PNPT1: variants seen among roughly 807,000 people sequenced by gnomAD.
PNPT1 encodes the protein polyribonucleotide nucleotidyltransferase 1.
PNPT1 carries 53 observed loss-of-function variants against 119.5 expected under a neutral mutation model. The ratio of observed to expected loss-of-function variants is 0.44; its 90% CI spans 0.36 to 0.56. The LOEUF is 0.56. Ranked by LOEUF, PNPT1 falls within the 20% of genes least tolerant of loss-of-function variation. PNPT1 has a pLI of 0.00. For missense variants in PNPT1, 948 were observed against 938.5 expected (o/e 1.01, Z -0.13); for synonymous variants, 357 against 322.1 (o/e 1.11, Z -1.16).
chr2:55,654,053 T>G (rs1413263384), intron 18 of PNPT1, among the ~76,000 whole-genome samples: 2 of 152,090 alleles, frequency 1.3e-5, no homozygotes, highest in Admixed American at 1.3e-4. Flanking sequence ...GGTCAGGAGT[T>G]CGAGGTCAGC....
chr2:55,657,007 T>C (rs1339919340), intron 15 of PNPT1, among the ~76,000 whole-genome samples: 1 of 152,194 alleles, frequency 6.6e-6, no homozygotes, highest in East Asian at 1.9e-4. Flanking sequence ...TTGTGATCAT[T>C]TGACAATAGG....
chr2:55,637,031 CG>C (rs1429691884), intron 27 of PNPT1, among the ~76,000 whole-genome samples: 2 of 152,160 alleles, frequency 1.3e-5, no homozygotes, highest in African/African-American at 4.8e-5. Context: ...TGCGTATTAG[CG>C]TAAGTGAAAG....
chr2:55,662,897 TG>T (rs201804925), intron 13 of PNPT1, among the ~76,000 whole-genome samples: 10,317 of 138,626 alleles, frequency 0.074, 858 homozygotes, highest in East Asian at 0.51. Flanking sequence ...TTTTTTTTTT[TG>T]GAGACGGAAT....
At chr2:55,674,880 A>G (rs559400599) in intron 8 of PNPT1, among the ~76,000 whole-genome samples, 1 of 152,350 alleles carries the variant, frequency 6.6e-6, no homozygotes, top group African/African-American at 2.4e-5. Flanking sequence ...TTTCCAAGAT[A>G]TCCTCTCACT....
intron 5 of PNPT1, 44 bp downstream of exon 5, chr2:55,683,741 T>C: frequency 6.5e-7 from 1 of 1,535,122 alleles, no homozygotes; most frequent in Non-Finnish European, 9.0e-7. Context: ...CATTAAGTAA[T>C]TTTTGATTGA....
chr2:55,668,394 G>T (rs1696804763), intron 11 of PNPT1, among the ~76,000 whole-genome samples: 1 of 151,242 alleles, frequency 6.6e-6, no homozygotes, highest in Non-Finnish European at 1.5e-5. Context: ...GTACCACCAT[G>T]CCTGGCTAAT....
At chr2:55,660,651 T>C (rs774856303) in intron 14 of PNPT1, among the ~76,000 whole-genome samples, 1 of 152,142 alleles carries the variant, frequency 6.6e-6, no homozygotes, top group African/African-American at 2.4e-5. Flanking sequence ...ACCAAACTCC[T>C]TCAGAGGACT....
intron 18 of PNPT1, among the ~76,000 whole-genome samples, chr2:55,651,560 C>G (rs1285059809): frequency 6.6e-6 from 1 of 152,124 alleles, no homozygotes; most frequent in East Asian, 1.9e-4. Flanking sequence ...CTTTGTTAAA[C>G]AGACGCTTGA....
At chr2:55,675,018 T>C (rs1697022234) in intron 8 of PNPT1, among the ~76,000 whole-genome samples, 1 of 152,180 alleles carries the variant, frequency 6.6e-6, no homozygotes. Flanking sequence ...CCCAGTACTT[T>C]GGGAGGCCAA....
intron 11 of PNPT1, among the ~76,000 whole-genome samples, chr2:55,670,960 C>A (rs1440032675): frequency 2.1e-5 from 2 of 94,702 alleles, no homozygotes; most frequent in African/African-American, 9.1e-5. Flanking sequence ...TTGAGATCTT[C>A]AACTAAAGTT....
At position 55,649,003 on chromosome 2, in the gene PNPT1, C is replaced by T. The variant is rs534138278; in HGVS notation, c.1496-1550G>A. ...CTCTAAGCAACCTCATCTATACTTACGATTTTAACCACCATCTATAATGTT... is the reference window on the plus strand; with the variant it reads ...CTCTAAGCAACCTCATCTATACTTATGATTTTAACCACCATCTATAATGTT... On this transcript the variant is annotated intron_variant, in intron 18 of 27. Coordinates refer to ENST00000447944, the MANE Select transcript of PNPT1 (RefSeq NM_033109.5). Among the ~76,000 whole-genome samples, 39 of 152,250 alleles carry T rather than the reference C, an allele frequency of 2.6e-4. 1 individual carries two copies. The highest frequency in any genetic ancestry group is 8.4e-4 in the African/African-American group (35 of 41,548).
At chr2:55,647,215 T>C (rs1696031332) in intron 19 of PNPT1, 132 bp downstream of exon 19, 1 of 617,728 alleles carries the variant, frequency 1.6e-6, no homozygotes, top group Non-Finnish European at 2.7e-6. Flanking sequence ...CTTCAAATAC[T>C]AGCATTCTTC....
intron 8 of PNPT1, among the ~76,000 whole-genome samples, chr2:55,674,572 G>A (rs989059378): frequency 2.6e-5 from 4 of 152,142 alleles, no homozygotes; most frequent in Non-Finnish European, 4.4e-5. Context: ...TAGCCTGGGC[G>A]ACAGAATGAG....
chr2:55,647,538 G>C (rs75626585), intron 18 of PNPT1, 85 bp from the exon 19 acceptor site: 1 of 806,114 alleles, frequency 1.2e-6, no homozygotes, highest in Non-Finnish European at 1.9e-6. Flanking sequence ...TTTTTTTTTT[G>C]AGAGGGAGTC....
At position 55,656,160 on chromosome 2, in the gene PNPT1, C is replaced by G; in HGVS notation, c.1412G>C (p.Arg471Thr). ...VIPRDFPFTI[R>T]VTSEVLESNG... The stretch of plus-strand genomic sequence containing the variant: ...TGACTCTAGGACTTCAGATGTAACT[C>G]TTATGGTGAAAGGAAAATCTCGGGG... The change falls in exon 17 of 28, where the codon AGA becomes ACA. Residue 471 changes from arginine to threonine, a missense_variant. Coordinates refer to ENST00000447944, the MANE Select transcript of PNPT1 (RefSeq NM_033109.5). 1 of 1,613,380 alleles carries G rather than the reference C, an allele frequency of 6.2e-7. No homozygotes were observed. The highest frequency in any genetic ancestry group is 2.2e-5 in the East Asian group (1 of 44,756).
chr2:55,671,304 TA>T lies in PNPT1; in HGVS notation c.976+14del. ...CCCTCAGCAAAAAAATAAAATAAAA[TA>T]AAATAAAATTTACCTTTTAGTTGTT... is the stretch of plus-strand genomic sequence containing the variant. On this transcript the variant is annotated intron_variant, in intron 11 of 27. Coordinates refer to ENST00000447944, the MANE Select transcript of PNPT1 (RefSeq NM_033109.5). The T allele has an allele frequency of 7.1e-7, 1 of 1,417,942 alleles. No individual in the cohort carries two copies. Among genetic ancestry groups the T allele is most frequent in the South Asian group, 1.4e-5 (1 of 71,606 alleles). 87.8% of individuals were successfully genotyped at this position (1,417,942 alleles called of 1,614,324 possible).
At position 55,686,358 on chromosome 2, in the gene PNPT1, G is replaced by T; in HGVS notation, c.297+12C>A. 2 of 1,597,730 alleles carry T rather than the reference G, an allele frequency of 1.3e-6. No individual in the cohort carries two copies. The highest frequency in any genetic ancestry group is 1.7e-6 in the Non-Finnish European group (2 of 1,165,348). On this transcript the variant is annotated intron_variant, in intron 3 of 27. Coordinates refer to ENST00000447944, the MANE Select transcript of PNPT1 (RefSeq NM_033109.5). The stretch of plus-strand genomic sequence containing the variant: ...ACCATATTACAGTTCAGATAAATCA[G>T]CAAATACTTACCACCAAAGGCATAA...
At position 55,642,034 on chromosome 2, in the gene PNPT1, G is replaced by GT. The variant is rs1248842267; in HGVS notation, c.2069+1123dup. Reference sequence around the variant, plus strand: ...CTTTTGTATTTTTAGTAGACATGGGGTTTCACCATGTTGGTCAGGCTGCTC... The same window carrying GT: ...CTTTTGTATTTTTAGTAGACATGGGGTTTTCACCATGTTGGTCAGGCTGCTC... On this transcript the variant is annotated intron_variant, in intron 25 of 27. Transcript: ENST00000447944. Among the ~76,000 whole-genome samples the GT allele has an allele frequency of 2.0e-5, 3 of 151,892 alleles. No individual in the cohort carries two copies. The East Asian group carries it at 5.8e-4, about 29-fold the overall frequency.
chr2:55,660,105 C>T (rs1044664631), intron 15 of PNPT1, 52 bp downstream of exon 15: 3 of 1,498,024 alleles, frequency 2.0e-6, no homozygotes, highest in Non-Finnish European at 2.7e-6. Context: ...CCTCGTCTCA[C>T]AAAAATTTAT....
Sources: gnomAD v4.1 joint callset for allele counts (sites outside exome capture counted in the v4.1 genomes callset) on GRCh38, gnomAD v4.1.1 for gene constraint, MANE v1.5 for transcripts, NCBI Gene and HGNC (gene_info 2026-07-23, HGNC 2026-07-21) for gene names.